ATG7: variants seen among roughly 807,000 people sequenced by gnomAD.
ATG7 encodes the protein ubiquitin-like modifier-activating enzyme ATG7.
ATG7 carries 70 observed loss-of-function variants against 82.4 expected under a neutral mutation model. The observed-to-expected ratio is 0.85, with a 90% CI of 0.70 to 1.04. The LOEUF (loss-of-function observed/expected upper bound fraction) is 1.04. Ranked by LOEUF, ATG7 falls within the 50% of genes least tolerant of loss-of-function variation. ATG7 has a pLI of 0.00. For missense variants in ATG7, 792 were observed against 864.3 expected, an observed-to-expected ratio of 0.92 and a Z score of 1.05; for synonymous variants, 287 against 313.0, an observed-to-expected ratio of 0.92 and a Z score of 0.88.
At chr3:11,467,171 T>C (rs2086920095) in intron 20 of ATG7, among the ~76,000 whole-genome samples, 1 of 152,022 alleles carries the variant, frequency 6.6e-6, no homozygotes, top group African/African-American at 2.4e-5. Context: ...TTCTTAACCC[T>C]ATCACTTCTG....
At chr3:11,372,956 T>C (rs2077137543) in intron 18 of ATG7, among the ~76,000 whole-genome samples, 1 of 151,422 alleles carries the variant, frequency 6.6e-6, no homozygotes, top group South Asian at 2.1e-4. Flanking sequence ...AATGTTTAGA[T>C]AATTTTTTAA....
chr3:11,486,875 C>G (rs1448206893), intron 20 of ATG7, among the ~76,000 whole-genome samples: 1 of 119,436 alleles, frequency 8.4e-6, no homozygotes, highest in East Asian at 2.4e-4. Flanking sequence ...TTGGGTGTTT[C>G]TCACAGAGGG....
chr3:11,516,047 CAAAAA>C (rs1048427246), intron 20 of ATG7, among the ~76,000 whole-genome samples: 9 of 144,826 alleles, frequency 6.2e-5, no homozygotes, highest in South Asian at 2.2e-4. Context: ...AAAAAAAAAA[CAAAAA>C]AACATAGGAC....
chr3:11,286,583 C>CTTTTTTTTTTTTTT (rs5846700), intron 3 of ATG7, among the ~76,000 whole-genome samples: 4 of 66,954 alleles, frequency 6.0e-5, no homozygotes, highest in African/African-American at 1.4e-4. Context: ...TTCTTTCTTT[C>CTTTTTTTTTTTTTT]TTTTTTTTTT....
At chr3:11,553,167 G>T (rs1353654939) in intron 20 of ATG7, among the ~76,000 whole-genome samples, 1 of 152,074 alleles carries the variant, frequency 6.6e-6, no homozygotes, top group Non-Finnish European at 1.5e-5. Flanking sequence ...CAGGCAGCCC[G>T]CCCCGCCCTT....
the ATG7 span, among the ~76,000 whole-genome samples, chr3:11,562,860 A>G: frequency 6.6e-6 from 1 of 152,170 alleles, no homozygotes; most frequent in Non-Finnish European, 1.5e-5. Context: ...GGATCCCATA[A>G]AGATATAGCT....
chr3:11,305,012 TCCA>T lies in ATG7; in HGVS notation c.216-1930_216-1928del, dbSNP rs1947489994. Among the ~76,000 whole-genome samples the T allele has an allele frequency of 2.6e-5, 4 of 152,242 alleles. No individual in the cohort carries two copies. In the South Asian group the frequency reaches 6.2e-4, roughly 24 times the overall value. On this transcript the variant is annotated intron_variant, in intron 5 of 20. Transcript: ENST00000693202. Reference sequence around the variant, plus strand: ...AGCAATTACTCTCCATCCCCCCTCCTCCATACTCACCAGCCCTAGCCAACCATA... The same window carrying T: ...AGCAATTACTCTCCATCCCCCCTCCTTACTCACCAGCCCTAGCCAACCATA...
chr3:11,470,414 A>C (rs1313199630), intron 20 of ATG7, among the ~76,000 whole-genome samples: 1 of 152,212 alleles, frequency 6.6e-6, no homozygotes, highest in African/African-American at 2.4e-5. Context: ...TAAGGATTTG[A>C]GTATGGAAAC....
intron 20 of ATG7, among the ~76,000 whole-genome samples, chr3:11,485,569 G>C (rs902416697): frequency 1.3e-5 from 2 of 152,074 alleles, no homozygotes; most frequent in Admixed American, 6.6e-5. Flanking sequence ...GTCTATTTTG[G>C]CTTTTGTTGA....
At chr3:11,378,344 G>A (rs2077590407) in intron 18 of ATG7, among the ~76,000 whole-genome samples, 1 of 150,998 alleles carries the variant, frequency 6.6e-6, no homozygotes, top group Non-Finnish European at 1.5e-5. Context: ...TTATCAATAT[G>A]CTATGTGTTT....
Position 11,462,953 on chromosome 3 carries a change from T to G in ATG7, c.2079+36027T>G, listed in dbSNP as rs185591358. Among the ~76,000 whole-genome samples the G allele has an allele frequency of 1.2e-3, 177 of 152,068 alleles. 1 individual carries two copies. The highest frequency in any genetic ancestry group is 4.0e-3 in the African/African-American group (165 of 41,472). On this transcript the variant is annotated intron_variant, in intron 20 of 20. Transcript: ENST00000693202. ...CAGGCTGGAGTGTAATGGTGCGATC[T>G]CTGCTCACTGCAACCTCTGCCTCCT...
At chr3:11,379,676 AC>A (rs1173669627) in intron 18 of ATG7, among the ~76,000 whole-genome samples, 2 of 152,248 alleles carry the variant, frequency 1.3e-5, no homozygotes, top group African/African-American at 4.8e-5. Flanking sequence ...GTTAAAAAAT[AC>A]TTTAGATACT....
the ATG7 span, among the ~76,000 whole-genome samples, chr3:11,572,405 C>T: frequency 1.0e-3 from 152 of 152,264 alleles, 4 homozygotes; most frequent in East Asian, 0.018. Context: ...ACTCGTGTAC[C>T]TACCACTCAG....
intron 20 of ATG7, among the ~76,000 whole-genome samples, chr3:11,507,491 G>A (rs1337932031): frequency 6.6e-6 from 1 of 152,078 alleles, no homozygotes; most frequent in South Asian, 2.1e-4. Flanking sequence ...ATGAGTATTT[G>A]TGATATTTCA....
intron 3 of ATG7, among the ~76,000 whole-genome samples, chr3:11,284,274 AGAATGGTTGGGC>A (rs1402233639): frequency 1.4e-4 from 22 of 152,290 alleles, no homozygotes; most frequent in African/African-American, 5.3e-4. Flanking sequence ...TCCTAGAGGG[AGAATGGTTGGGC>A]GGTCTCACTC....
intron 20 of ATG7, chr3:11,477,001 C>A: frequency 1.1e-6 from 1 of 949,182 alleles, no homozygotes; most frequent in Non-Finnish European, 1.5e-6. Flanking sequence ...CTCTTTATTA[C>A]AGTGTTTTCC....
At chr3:11,441,331 C>A (rs190448260) in intron 20 of ATG7, among the ~76,000 whole-genome samples, 91 of 152,162 alleles carry the variant, frequency 6.0e-4, no homozygotes, top group Non-Finnish European at 1.0e-3. Context: ...GAAACCTCTG[C>A]CTCCAGGTCT....
At chr3:11,574,785 A>ATGTGTGTGTGTGTGTGTGTGTGTG in the ATG7 span, among the ~76,000 whole-genome samples, 4 of 121,700 alleles carry the variant, frequency 3.3e-5, no homozygotes, top group East Asian at 8.8e-4. Context: ...TCAACTATAT[A>ATGTGTGTGTGTGTGTGTGTGTGTG]TGTGTGTGTG....
intron 15 of ATG7, 75 bp from the exon 16 acceptor site, chr3:11,360,506 G>C: frequency 7.0e-7 from 1 of 1,434,828 alleles, no homozygotes. Flanking sequence ...AAAAAGTTGA[G>C]CAAATATGGA....
Sources: allele counts gnomAD v4.1 joint callset (sites outside exome capture counted in the v4.1 genomes callset), GRCh38; gene constraint gnomAD v4.1.1; transcripts MANE v1.5; gene names NCBI Gene and HGNC (gene_info 2026-07-23, HGNC 2026-07-21).